SMARCD3: variants seen among roughly 807,000 people sequenced by gnomAD.
The protein encoded by SMARCD3 is SWI/SNF-related matrix-associated actin-dependent regulator of chromatin subfamily D member 3.
A neutral mutation model predicts 58.0 loss-of-function variants in SMARCD3; 14 were observed. The ratio of observed to expected loss-of-function variants is 0.24; its 90% CI spans 0.16 to 0.38. The LOEUF (loss-of-function observed/expected upper bound fraction) is 0.38, where lower values mean the gene tolerates loss of function less well. Ranked by LOEUF, SMARCD3 falls within the 10% of genes least tolerant of loss-of-function variation. SMARCD3 has a pLI of 1.00. For synonymous variants in SMARCD3, 253 were observed against 253.8 expected (o/e 1.00, Z 0.03); for missense variants, 408 against 636.9 (o/e 0.64, Z 3.87).
chr7:151,256,568 A>T (rs116471993), intron 2 of SMARCD3, among the ~76,000 whole-genome samples: 2 of 152,090 alleles, frequency 1.3e-5, no homozygotes, highest in Non-Finnish European at 2.9e-5. Context: ...AAAGACACAC[A>T]GCCACCCCAC....
chr7:151,240,273 G>T, intron 9 of SMARCD3, 26 bp from the exon 10 acceptor site: 1 of 1,576,798 alleles, frequency 6.3e-7, no homozygotes, highest in East Asian at 2.3e-5. Context: ...AGCCCTTCGT[G>T]TCCACGATGC....
chr7:151,247,683 C>T (rs1295410903), intron 1 of SMARCD3, among the ~76,000 whole-genome samples: 1 of 149,644 alleles, frequency 6.7e-6, no homozygotes, highest in Non-Finnish European at 1.5e-5. Flanking sequence ...CTGCTTCTCC[C>T]ATTCCCCACC....
rs1398450245 is a variant in SMARCD3 at position 151,245,883 on chromosome 7, A to G, written c.79-212T>C. 2.6e-6 allele frequency: 1 copy of G among 377,656 alleles called. No individual in the cohort carries two copies. Among genetic ancestry groups the G allele is most frequent in the Non-Finnish European group, 4.7e-6 (1 of 212,998 alleles). 23.4% of individuals were successfully genotyped at this position (377,656 alleles called of 1,614,324 possible). A position where few individuals can be genotyped will look rare whatever the true frequency, so the allele number is the denominator to read the frequency against. On this transcript the variant is annotated intron_variant, in intron 1 of 12. Coordinates refer to ENST00000262188, the MANE Select transcript of SMARCD3 (RefSeq NM_001003801.2). This position sits in a 1 kb window ranked among gnomAD's most constrained non-coding sequence, Gnocchi z 6.2. ...GCGGAGGGGCTTGGCGTCTGGCTGCAGGAAGCTAACTGAAGCCAGGCACCG... is the reference window on the plus strand; with the variant it reads ...GCGGAGGGGCTTGGCGTCTGGCTGCGGGAAGCTAACTGAAGCCAGGCACCG...
chr7:151,242,655 C>T lies in SMARCD3; in HGVS notation c.457-52G>A, dbSNP rs778602611. 21 of 1,612,158 alleles carry T rather than the reference C, an allele frequency of 1.3e-5. No individual in the cohort carries two copies. The highest frequency in any genetic ancestry group is 3.3e-5 in the South Asian group (3 of 91,052). On this transcript the variant is annotated intron_variant, in intron 4 of 12. Coordinates refer to ENST00000262188, the MANE Select transcript of SMARCD3 (RefSeq NM_001003801.2). The surrounding 1 kb of genome is among the most constrained non-coding windows in gnomAD (Gnocchi z 4.7). ...CGAATGCTGTGTGCTCCCACCCCGACCACCCTGCTTCCCCATCCTGGTCAC... is the reference window on the plus strand; with the variant it reads ...CGAATGCTGTGTGCTCCCACCCCGATCACCCTGCTTCCCCATCCTGGTCAC...
chr7:151,250,487 C>T (rs1051343527), upstream of SMARCD3, among the ~76,000 whole-genome samples: 2 of 151,798 alleles, frequency 1.3e-5, no homozygotes, highest in African/African-American at 4.8e-5. Context: ...ACTCCCATTT[C>T]TTAGCCCCTG....
chr7:151,248,420 G>T lies in SMARCD3; in HGVS notation c.78+65C>A, dbSNP rs1803380269. 4.5e-6 allele frequency: 6 copies of T among 1,320,462 alleles called. No homozygotes were observed. The highest frequency in any genetic ancestry group is 6.5e-6 in the Non-Finnish European group (6 of 926,982). 81.8% of individuals were successfully genotyped at this position (1,320,462 alleles called of 1,614,324 possible). On this transcript the variant is annotated intron_variant, in intron 1 of 12. Transcript: ENST00000262188. The surrounding 1 kb of genome is among the most constrained non-coding windows in gnomAD (Gnocchi z 6.1). ...CGGGAGCGCCCTCCCGGCCCCTCCC[G>T]ATCAGCCCTCCATTCAGCCCGAGCC...
chr7:151,277,086 C>G (rs1190912526), upstream of SMARCD3: 1 of 149,768 alleles, frequency 6.7e-6, no homozygotes, highest in Non-Finnish European at 1.5e-5. Flanking sequence ...CCTGCTCCCC[C>G]GGGACCCCGG....
chr7:151,248,686 G>A lies in SMARCD3; in HGVS notation c.-124C>T, dbSNP rs1384513576. 8 of 1,426,118 alleles carry A rather than the reference G, an allele frequency of 5.6e-6. No homozygotes were observed. Among genetic ancestry groups the A allele is most frequent in the Non-Finnish European group, 9.3e-7 (1 of 1,079,428 alleles). 88.3% of individuals were successfully genotyped at this position (1,426,118 alleles called of 1,614,324 possible). On this transcript the variant is annotated 5_prime_UTR_variant, in exon 1 of 13. Transcript: ENST00000262188. This position sits in a 1 kb window ranked among gnomAD's most constrained non-coding sequence, Gnocchi z 6.1. ...GCTGGGCTCTCTCACACTTCTACTCGAGCGGAGTGGGGAGGGGGCCCCTTC... is the reference window on the plus strand; with the variant it reads ...GCTGGGCTCTCTCACACTTCTACTCAAGCGGAGTGGGGAGGGGGCCCCTTC...
intron 2 of SMARCD3, among the ~76,000 whole-genome samples, chr7:151,253,827 G>A (rs1409432357): frequency 0.079 from 3 of 38 alleles, no homozygotes; most frequent in Admixed American, 0.5. Flanking sequence ...TCCAGGGTGT[G>A]GCTCTGCTGG....
intron 2 of SMARCD3, among the ~76,000 whole-genome samples, chr7:151,257,838 C>T (rs1464627977): frequency 1.3e-5 from 2 of 152,064 alleles, no homozygotes; most frequent in Non-Finnish European, 2.9e-5. Context: ...ATCATTTTTG[C>T]GGTCTCATCA....
chr7:151,244,998 G>A (rs886187823), intron 2 of SMARCD3, among the ~76,000 whole-genome samples: 1 of 152,204 alleles, frequency 6.6e-6, no homozygotes, highest in Non-Finnish European at 1.5e-5. Flanking sequence ...CCACCCCCAT[G>A]GTCAGAGAGT....
upstream of SMARCD3, chr7:151,277,104 C>A (rs1365325496): frequency 1.3e-5 from 2 of 150,162 alleles, no homozygotes; most frequent in African/African-American, 2.4e-5. Flanking sequence ...CGGCCCGGAG[C>A]GCGGCCGCCC....
intron 2 of SMARCD3, among the ~76,000 whole-genome samples, chr7:151,269,657 TG>T (rs1236017563): frequency 1.3e-5 from 2 of 152,070 alleles, no homozygotes; most frequent in Admixed American, 1.3e-4. Context: ...AATGGCAGGC[TG>T]GGACCTGCAA....
intron 2 of SMARCD3, among the ~76,000 whole-genome samples, chr7:151,259,988 C>T (rs747352240): frequency 7.9e-5 from 12 of 152,190 alleles, no homozygotes; most frequent in South Asian, 4.1e-4. Context: ...CTTCCACACA[C>T]AGTAACCTGT....
Position 151,241,484 on chromosome 7 carries a change from G to A in SMARCD3, c.939+8C>T. On this transcript the variant is annotated splice_region_variant and intron_variant, in intron 8 of 12. Coordinates refer to ENST00000262188, the MANE Select transcript of SMARCD3 (RefSeq NM_001003801.2). This position sits in a 1 kb window ranked among gnomAD's most constrained non-coding sequence, Gnocchi z 5.3. ...TCCCCAGATCCCAGGGTTCAGGAGA[G>A]AGGTTACCTGCTGGAAATACTTGTC... The A allele has an allele frequency of 6.2e-7, 1 of 1,610,552 alleles. No individual in the cohort carries two copies. Among genetic ancestry groups the A allele is most frequent in the Non-Finnish European group, 8.5e-7 (1 of 1,178,414 alleles).
intron 2 of SMARCD3, among the ~76,000 whole-genome samples, chr7:151,261,764 C>G (rs548331208): frequency 6.6e-6 from 1 of 152,328 alleles, no homozygotes; most frequent in Admixed American, 6.5e-5. Context: ...CCAGGGAGCT[C>G]TCAGAGCCCT....
At position 151,239,016 on chromosome 7, in the gene SMARCD3, G is replaced by T; in HGVS notation, c.*87C>A. 7.5e-7 allele frequency: 1 copy of T among 1,329,324 alleles called. No homozygotes were observed. Among genetic ancestry groups the T allele is most frequent in the Non-Finnish European group, 1.1e-6 (1 of 921,022 alleles). 82.3% of individuals were successfully genotyped at this position (1,329,324 alleles called of 1,614,324 possible). Reference sequence around the variant, plus strand: ...TAATCCAGCCCCACACCCCAAGGTGGCAGAGGAGTGATGCTGGAGCCCGGG... The same window carrying T: ...TAATCCAGCCCCACACCCCAAGGTGTCAGAGGAGTGATGCTGGAGCCCGGG... On this transcript the variant is annotated 3_prime_UTR_variant, in exon 13 of 13. Coordinates refer to ENST00000262188, the MANE Select transcript of SMARCD3 (RefSeq NM_001003801.2). This position sits in a 1 kb window ranked among gnomAD's most constrained non-coding sequence, Gnocchi z 7.0.
chr7:151,252,523 G>A (rs377256929), upstream of SMARCD3, among the ~76,000 whole-genome samples: 2 of 152,036 alleles, frequency 1.3e-5, no homozygotes, highest in East Asian at 1.9e-4. Context: ...ACCACTTGGC[G>A]CTGTGAGGAC....
upstream of SMARCD3, among the ~76,000 whole-genome samples, chr7:151,249,926 C>A (rs1303667734): frequency 2.6e-5 from 1 of 38,160 alleles, no homozygotes; most frequent in Non-Finnish European, 4.9e-5. The surrounding 1 kb of genome is among the most constrained non-coding windows in gnomAD (Gnocchi z 4.8). Flanking sequence ...CCTTTTTTCT[C>A]CTTCTTGGGG....
Sources: gnomAD v4.1 joint callset for allele counts (sites outside exome capture counted in the v4.1 genomes callset) on GRCh38, gnomAD v4.1.1 for gene constraint, Gnocchi (gnomAD v3.1) non-coding constraint, MANE v1.5 for transcripts, NCBI Gene and HGNC (gene_info 2026-07-23, HGNC 2026-07-21) for gene names.